Variants in ATP8A1 observed in about 807,000 individuals in gnomAD.
ATP8A1 encodes the protein phospholipid-transporting ATPase IA.
In ATP8A1, 90 loss-of-function variants were observed where a neutral mutation model predicts 177.7. The ratio of observed to expected loss-of-function variants is 0.51; its 90% confidence interval spans 0.43 to 0.60. ATP8A1 has a LOEUF of 0.60. Among genes scored for constraint, ATP8A1 ranks in the 20% least tolerant of loss-of-function variants. The probability of loss-of-function intolerance (pLI) is 0.00; values close to 1 mark genes in which losing one functional copy is unlikely to be tolerated. For missense variants in ATP8A1, 1,072 were observed against 1,392.8 expected, an observed-to-expected ratio of 0.77 and a Z score of 3.67; for synonymous variants, 493 against 485.9, an observed-to-expected ratio of 1.01 and a Z score of -0.19.
intron 33 of ATP8A1, among the ~76,000 whole-genome samples, chr4:42,439,792 T>C (rs986652217): frequency 2.0e-5 from 3 of 152,208 alleles, no homozygotes; most frequent in African/African-American, 7.2e-5. Flanking sequence ...CTGCGAGGAC[T>C]GAGGGTCCCT....
intron 35 of ATP8A1, 131 bp downstream of exon 35, chr4:42,422,676 A>T: frequency 1.5e-6 from 1 of 683,232 alleles, no homozygotes. Flanking sequence ...CATGTCTCTG[A>T]CTCCCAAACC....
At chr4:42,627,206 C>T (rs909749378) in intron 1 of ATP8A1, 97 bp from the exon 2 acceptor site, 1 of 810,240 alleles carries the variant, frequency 1.2e-6, no homozygotes, top group Non-Finnish European at 2.0e-6. Context: ...CTGTTAAAAG[C>T]TACTTGCTTC....
chr4:42,647,796 T>G (rs1392004651), intron 1 of ATP8A1, among the ~76,000 whole-genome samples: 1 of 152,042 alleles, frequency 6.6e-6, no homozygotes, highest in Non-Finnish European at 1.5e-5. Flanking sequence ...AAGAGTAATA[T>G]CTCAGCTATC....
intron 1 of ATP8A1, among the ~76,000 whole-genome samples, chr4:42,645,943 A>G (rs1397551472): frequency 6.6e-6 from 1 of 152,112 alleles, no homozygotes; most frequent in Non-Finnish European, 1.5e-5. Flanking sequence ...GAAAAAAAAA[A>G]AAGTAGAGTG....
chr4:42,464,478 T>G (rs913391628), intron 27 of ATP8A1, among the ~76,000 whole-genome samples: 1 of 152,194 alleles, frequency 6.6e-6, no homozygotes, highest in African/African-American at 2.4e-5. Context: ...TTGGCTAAGC[T>G]GGTCTCGAAC....
intron 33 of ATP8A1, among the ~76,000 whole-genome samples, chr4:42,440,003 A>G (rs563695267): frequency 4.5e-4 from 68 of 152,310 alleles, no homozygotes; most frequent in Middle Eastern, 6.8e-3. Context: ...ACATCTGTAA[A>G]GTGGTGATCA....
chr4:42,431,684 T>A (rs1246495199), intron 33 of ATP8A1, among the ~76,000 whole-genome samples: 3 of 152,206 alleles, frequency 2.0e-5, no homozygotes, highest in African/African-American at 7.2e-5. Flanking sequence ...AATGGTTCTT[T>A]CTGGCTCTGA....
chr4:42,493,875 C>G (rs1330728324), intron 24 of ATP8A1, among the ~76,000 whole-genome samples: 3 of 152,176 alleles, frequency 2.0e-5, no homozygotes, highest in African/African-American at 7.2e-5. Flanking sequence ...GTTAGTTCTG[C>G]CCTTCCTCTG....
chr4:42,420,212 T>C (rs1421036121), intron 35 of ATP8A1, among the ~76,000 whole-genome samples: 2 of 152,140 alleles, frequency 1.3e-5, no homozygotes, highest in Non-Finnish European at 2.9e-5. Flanking sequence ...GCCTCCCTCC[T>C]CCGGGCACCT....
At chr4:42,447,122 G>A (rs1236374810) in intron 30 of ATP8A1, among the ~76,000 whole-genome samples, 1 of 152,216 alleles carries the variant, frequency 6.6e-6, no homozygotes, top group Admixed American at 6.5e-5. Flanking sequence ...ATCTGGCTGA[G>A]TATAGGGGCA....
At chr4:42,544,058 C>A in intron 19 of ATP8A1, 72 bp from the exon 20 acceptor site, 1 of 1,231,882 alleles carries the variant, frequency 8.1e-7, no homozygotes. Flanking sequence ...TCATGCCTCA[C>A]ATATTTTGAT....
At chr4:42,609,779 C>G (rs1736188010) in intron 5 of ATP8A1, among the ~76,000 whole-genome samples, 1 of 152,034 alleles carries the variant, frequency 6.6e-6, no homozygotes, top group African/African-American at 2.4e-5. Context: ...TCTCTCTGTG[C>G]CTCTCCTTGC....
intron 33 of ATP8A1, among the ~76,000 whole-genome samples, chr4:42,438,693 G>A (rs1475122547): frequency 6.6e-6 from 1 of 152,072 alleles, no homozygotes; most frequent in Non-Finnish European, 1.5e-5. Flanking sequence ...AAGGAGGATG[G>A]CTACAAGACA....
At chr4:42,617,012 T>C (rs1487452659) in intron 4 of ATP8A1, among the ~76,000 whole-genome samples, 1 of 152,182 alleles carries the variant, frequency 6.6e-6, no homozygotes, top group Non-Finnish European at 1.5e-5. Context: ...ATACAAAGCC[T>C]GAAGTTGAAT....
chr4:42,639,965 G>A (rs1739800566), intron 1 of ATP8A1, among the ~76,000 whole-genome samples: 2 of 152,162 alleles, frequency 1.3e-5, no homozygotes, highest in African/African-American at 4.8e-5. Context: ...ATTCAACATA[G>A]TACTTGGTGT....
chr4:42,600,989 C>CA (rs1214166313), intron 5 of ATP8A1, among the ~76,000 whole-genome samples: 5 of 143,218 alleles, frequency 3.5e-5, no homozygotes, highest in East Asian at 2.1e-4. Flanking sequence ...TATATTAATG[C>CA]AAAAAAACAA....
chr4:42,516,774 G>C (rs1164665261), intron 22 of ATP8A1, among the ~76,000 whole-genome samples: 1 of 152,034 alleles, frequency 6.6e-6, no homozygotes, highest in Non-Finnish European at 1.5e-5. Context: ...ATGAATATGA[G>C]ACAAAACATA....
intron 16 of ATP8A1, 52 bp downstream of exon 16, chr4:42,555,916 A>G (rs371375152): frequency 1.7e-4 from 205 of 1,217,106 alleles, no homozygotes; most frequent in Middle Eastern, 1.0e-3. Flanking sequence ...TCAGAGAAAC[A>G]TTCATTAGTT....
intron 22 of ATP8A1, among the ~76,000 whole-genome samples, chr4:42,511,367 T>C (rs1307199549): frequency 2.6e-5 from 4 of 152,194 alleles, no homozygotes; most frequent in African/African-American, 9.7e-5. Context: ...TAATGGGCAC[T>C]AGGGGAATTA....
Sources: allele counts gnomAD v4.1 joint callset (sites outside exome capture counted in the v4.1 genomes callset), GRCh38; gene constraint gnomAD v4.1.1; transcripts MANE v1.5; gene names NCBI Gene and HGNC (gene_info 2026-07-23, HGNC 2026-07-21).